PSMA1: variants seen among roughly 807,000 people sequenced by gnomAD.
PSMA1 encodes proteasome 20S subunit alpha 1.
A neutral mutation model predicts 38.4 loss-of-function variants in PSMA1; 3 were observed. That is an observed-to-expected ratio of 0.08 (90% CI 0.04 to 0.20). PSMA1 has a LOEUF of 0.20. Among genes scored for constraint, PSMA1 ranks in the 10% least tolerant of loss-of-function variants. The pLI, the probability that PSMA1 is intolerant of heterozygous loss-of-function variation, is 1.00. For missense variants in PSMA1, 227 were observed against 325.3 expected, an observed-to-expected ratio of 0.70 and a Z score of 2.32; for synonymous variants, 101 against 107.1, an observed-to-expected ratio of 0.94 and a Z score of 0.35.
chr11:14,558,560 G>A (rs1436853182), intron 2 of PSMA1, among the ~76,000 whole-genome samples: 1 of 152,244 alleles, frequency 6.6e-6, no homozygotes, highest in East Asian at 1.9e-4. Flanking sequence ...GCTATTCCCT[G>A]AGGGAGAAGC....
chr11:14,641,083 C>T (rs1050318932), intron 1 of PSMA1, among the ~76,000 whole-genome samples: 5 of 151,704 alleles, frequency 3.3e-5, no homozygotes, highest in Non-Finnish European at 2.9e-5. Context: ...ATGTAGATGA[C>T]GCCTTGATGG....
rs920114293 is a variant in PSMA1, at chr11:14,593,556, T to C, written c.21+17410A>G. On this transcript the variant is annotated intron_variant, in intron 2 of 10. Coordinates refer to the PSMA1 transcript ENST00000418988. ...GAAGAAGGAAGAGAGGTCTGCTGAA[T>C]GGAAAAGCAAAGACATTCCGGGGTT... Among the ~76,000 whole-genome samples the C allele has an allele frequency of 2.8e-5, 4 of 145,008 alleles. No homozygotes were observed. In the South Asian group the frequency reaches 8.7e-4, roughly 31 times the overall value.
At chr11:14,509,911 G>C (rs1015185959) in intron 8 of PSMA1, among the ~76,000 whole-genome samples, 2 of 151,428 alleles carry the variant, frequency 1.3e-5, no homozygotes, top group Non-Finnish European at 2.9e-5. Flanking sequence ...TTTTAGTAGA[G>C]ATGGGGTTTC....
chr11:14,542,293 C>T (rs1173092518), intron 2 of PSMA1, among the ~76,000 whole-genome samples: 1 of 152,112 alleles, frequency 6.6e-6, no homozygotes, highest in Non-Finnish European at 1.5e-5. Flanking sequence ...GCTTGGCATC[C>T]TTCCTCCTGC....
intron 8 of PSMA1, 141 bp downstream of exon 8, chr11:14,510,731 G>T: frequency 2.1e-6 from 1 of 476,514 alleles, no homozygotes; most frequent in Non-Finnish European, 3.6e-6. Context: ...GGATTACTTA[G>T]CAAATAGCTT....
intron 1 of PSMA1, among the ~76,000 whole-genome samples, chr11:14,630,637 G>T (rs1228398009): frequency 1.3e-5 from 2 of 151,144 alleles, no homozygotes; most frequent in Non-Finnish European, 3.0e-5. Flanking sequence ...TTTTTTTGTT[G>T]TGTCTCTGCC....
intron 1 of PSMA1, among the ~76,000 whole-genome samples, chr11:14,642,274 G>C (rs1043616567): frequency 6.6e-6 from 1 of 152,110 alleles, no homozygotes; most frequent in African/African-American, 2.4e-5. Flanking sequence ...ATCTTCAACT[G>C]GTGGTAATGA....
chr11:14,517,968 T>G lies in PSMA1; in HGVS notation c.62A>C (p.Gln21Pro). ...AACAGCTTCCATTGCATATTCAATT[T>G]GATGAATCCTGCCCTAAAGAAAAAA... ...TVWSPQGRIH[Q>P]IEYAMEAVKQ... Residue 21 changes from glutamine (Q) to proline (P), a missense_variant, in exon 3 of 10, where the codon CAA becomes CCA. By Grantham distance (76) the Gln-to-Pro change is moderately conservative. Coordinates refer to ENST00000396394, the MANE Select transcript of PSMA1 (RefSeq NM_002786.4). The G allele has an allele frequency of 1.1e-5, 18 of 1,601,618 alleles. No homozygotes were observed. The highest frequency in any genetic ancestry group is 1.5e-5 in the Non-Finnish European group (18 of 1,175,254).
intron 2 of PSMA1, among the ~76,000 whole-genome samples, chr11:14,600,225 C>T (rs1398550947): frequency 6.6e-6 from 1 of 152,224 alleles, no homozygotes; most frequent in Non-Finnish European, 1.5e-5. Flanking sequence ...AGGAGGCAGT[C>T]TGTCCGTTCT....
intron 2 of PSMA1, among the ~76,000 whole-genome samples, chr11:14,568,990 G>A (rs1852105536): frequency 6.6e-6 from 1 of 152,160 alleles, no homozygotes; most frequent in Admixed American, 6.5e-5. Context: ...TCCCTCCTAG[G>A]ACTCCAGGCC....
intron 2 of PSMA1, among the ~76,000 whole-genome samples, chr11:14,551,715 C>T (rs17567502): frequency 0.011 from 1,608 of 152,244 alleles, 17 homozygotes; most frequent in Admixed American, 0.015. Flanking sequence ...AAATGTTGAA[C>T]TATTCTAAAG....
At chr11:14,519,288 T>C (rs913321929) in intron 1 of PSMA1, 12 of 550,350 alleles carry the variant, frequency 2.2e-5, no homozygotes, top group African/African-American at 5.6e-5. Context: ...ACACCCTCCA[T>C]ATCAACCCCT....
chr11:14,643,444 C>T (rs752684894), intron 1 of PSMA1: 27 of 151,934 alleles, frequency 1.8e-4, no homozygotes, highest in Non-Finnish European at 3.8e-4. Context: ...GGCTGGGTGT[C>T]CGTGACTTAC....
At chr11:14,554,756 A>AT (rs1318085307) in intron 2 of PSMA1, among the ~76,000 whole-genome samples, 3 of 152,144 alleles carry the variant, frequency 2.0e-5, no homozygotes, top group East Asian at 1.9e-4. Context: ...TTTTAAACGG[A>AT]TTTTTTTAGT....
At chr11:14,540,255 G>T (rs568453142) in intron 2 of PSMA1, among the ~76,000 whole-genome samples, 1 of 152,234 alleles carries the variant, frequency 6.6e-6, no homozygotes, top group Admixed American at 6.5e-5. Context: ...CAACTAAGAT[G>T]ATGAAAACTG....
intron 2 of PSMA1, among the ~76,000 whole-genome samples, chr11:14,537,348 A>G (rs1211346208): frequency 6.6e-6 from 1 of 152,200 alleles, no homozygotes; most frequent in African/African-American, 2.4e-5. Context: ...TAAGGATAAT[A>G]TTCTTTTATT....
At chr11:14,594,261 T>C (rs1210961809) in intron 2 of PSMA1, among the ~76,000 whole-genome samples, 1 of 152,314 alleles carries the variant, frequency 6.6e-6, no homozygotes, top group South Asian at 2.1e-4. Context: ...ACTGATATAG[T>C]TAGGAAATAG....
intron 1 of PSMA1, among the ~76,000 whole-genome samples, chr11:14,617,695 ATATGTG>A (rs1043098268): frequency 2.1e-5 from 3 of 146,212 alleles, no homozygotes; most frequent in Non-Finnish European, 4.5e-5. Flanking sequence ...GTATATATAT[ATATGTG>A]TGTGTGTGTG....
intron 1 of PSMA1, among the ~76,000 whole-genome samples, chr11:14,634,756 G>C (rs1853090174): frequency 6.6e-6 from 1 of 152,140 alleles, no homozygotes; most frequent in Non-Finnish European, 1.5e-5. Context: ...ATGTATGCAG[G>C]GAATGAAGCT....
Sources: gnomAD v4.1 joint callset for allele counts (sites outside exome capture counted in the v4.1 genomes callset) on GRCh38, gnomAD v4.1.1 for gene constraint, MANE v1.5 for transcripts, NCBI Gene and HGNC (gene_info 2026-07-23, HGNC 2026-07-21) for gene names.